IPO11: variants seen among roughly 807,000 people sequenced by gnomAD.
IPO11 encodes importin 11.
Under a neutral mutation model 143.2 loss-of-function variants are expected in IPO11, and 66 were observed. The observed-to-expected ratio is 0.46, with a 90% CI of 0.38 to 0.57. IPO11 has a LOEUF of 0.57. Among genes scored for constraint, IPO11 ranks in the 20% least tolerant of loss-of-function variants. The pLI, the probability that IPO11 is intolerant of heterozygous loss-of-function variation, is 0.00. For missense variants in IPO11, 1,026 were observed against 1,141.0 expected (o/e 0.90, Z 1.45); for synonymous variants, 385 against 377.8 (o/e 1.02, Z -0.22).
chr5:62,483,109 C>A lies in IPO11; in HGVS notation c.837C>A (p.Asp279Glu), dbSNP rs969813971. 3 of 1,580,166 alleles carry A rather than the reference C, an allele frequency of 1.9e-6. No homozygotes were observed. The highest frequency in any genetic ancestry group is 1.4e-5 in the African/African-American group (1 of 73,678). The change falls in exon 10 of 30, where the codon GAC becomes GAA. Residue 279 changes from aspartate to glutamate, a missense_variant. Coordinates refer to ENST00000325324, the MANE Select transcript of IPO11 (RefSeq NM_016338.5). ...TATTTATTTTTCTACAGCTTTTGGA[C>A]TTCTTGGATCAGCATCCTTTTTCAT... is the stretch of plus-strand genomic sequence containing the variant. ...TIILFTKVLL[D>E]FLDQHPFSFT...
At chr5:62,580,130 G>GT in intron 27 of IPO11, 1 of 1,549,848 alleles carries the variant, frequency 6.5e-7, no homozygotes, top group Non-Finnish European at 8.7e-7. Context: ...AAAAGTCTTA[G>GT]AAGACTTTCT....
chr5:62,569,603 A>G (rs958146301), intron 27 of IPO11, among the ~76,000 whole-genome samples: 1 of 152,198 alleles, frequency 6.6e-6, no homozygotes, highest in African/African-American at 2.4e-5. Context: ...GGGGCAGTGA[A>G]GTAACAAGGG....
intron 27 of IPO11, chr5:62,579,734 T>C (rs1240010154): frequency 1.3e-6 from 2 of 1,547,826 alleles, no homozygotes; most frequent in African/African-American, 1.4e-5. Context: ...ATTCTGTATG[T>C]ATATCCAAAA....
intron 2 of IPO11, 47 bp downstream of exon 2, chr5:62,437,464 C>T: frequency 6.6e-7 from 1 of 1,526,036 alleles, no homozygotes; most frequent in Non-Finnish European, 8.9e-7. Context: ...TAAAATGAGA[C>T]AACATTAATT....
intron 27 of IPO11, among the ~76,000 whole-genome samples, chr5:62,567,304 A>G (rs965388401): frequency 6.6e-6 from 1 of 151,762 alleles, no homozygotes; most frequent in South Asian, 2.1e-4. Flanking sequence ...GCCCCTTTAT[A>G]TGTTACTGGT....
At chr5:62,418,849 T>C (rs922748838) in intron 1 of IPO11, 3 of 717,462 alleles carry the variant, frequency 4.2e-6, no homozygotes, top group Admixed American at 3.1e-5. Context: ...TTTGTCTCCT[T>C]ATTCTTATAT....
At chr5:62,519,450 G>A (rs1016778975) in intron 20 of IPO11, among the ~76,000 whole-genome samples, 7 of 152,080 alleles carry the variant, frequency 4.6e-5, no homozygotes, top group African/African-American at 1.7e-4. Flanking sequence ...TTTAAGCATT[G>A]TAGGCATTAC....
At chr5:62,528,759 A>G (rs985856308) in intron 21 of IPO11, among the ~76,000 whole-genome samples, 2 of 152,164 alleles carry the variant, frequency 1.3e-5, no homozygotes, top group African/African-American at 4.8e-5. Flanking sequence ...AGGAGTGTGC[A>G]CAAGATATGA....
At chr5:62,527,554 T>A (rs1742408242) in intron 21 of IPO11, among the ~76,000 whole-genome samples, 1 of 152,196 alleles carries the variant, frequency 6.6e-6, no homozygotes, top group Non-Finnish European at 1.5e-5. Flanking sequence ...TACTATATGA[T>A]GTTGAATGTT....
chr5:62,435,112 A>ATATATATG (rs1561308805), intron 1 of IPO11, among the ~76,000 whole-genome samples: 1 of 78,488 alleles, frequency 1.3e-5, no homozygotes, highest in African/African-American at 5.2e-5. Context: ...ATATATATGT[A>ATATATATG]TATATGTATA....
intron 29 of IPO11, among the ~76,000 whole-genome samples, chr5:62,625,729 A>G (rs912747313): frequency 6.6e-6 from 1 of 152,254 alleles, no homozygotes; most frequent in African/African-American, 2.4e-5. Flanking sequence ...GCTTGGAGAC[A>G]TCAGCTTTTA....
chr5:62,489,304 C>T lies in IPO11; in HGVS notation c.1312C>T (p.Pro438Ser). The change falls in exon 14 of 30, where the codon CCC becomes TCC. Residue 438 changes from proline (P) to serine (S), a missense_variant and splice_region_variant. Transcript: ENST00000325324. ...CTATTTATATATATATTTTTTAGGACCCACAAATGTGGAAGATATGAATGC... is the reference window on the plus strand; with the variant it reads ...CTATTTATATATATATTTTTTAGGATCCACAAATGTGGAAGATATGAATGC... Reference protein sequence around the residue: ...LLEMMQTLQGPTNVEDMNALL... With the variant: ...LLEMMQTLQGSTNVEDMNALL... The T allele has an allele frequency of 6.5e-7, 1 of 1,537,336 alleles. No individual in the cohort carries two copies. Among genetic ancestry groups the T allele is most frequent in the Non-Finnish European group, 8.8e-7 (1 of 1,134,942 alleles).
intron 2 of IPO11, among the ~76,000 whole-genome samples, chr5:62,439,276 C>T (rs1744361244): frequency 1.4e-5 from 2 of 146,402 alleles, no homozygotes; most frequent in South Asian, 4.3e-4. Flanking sequence ...ATAATACTAA[C>T]TGCGTAGGTT....
At chr5:62,563,399 A>G (rs796169543) in intron 27 of IPO11, among the ~76,000 whole-genome samples, 11 of 152,352 alleles carry the variant, frequency 7.2e-5, no homozygotes, top group South Asian at 2.1e-4. Flanking sequence ...GGTTAAGTTT[A>G]GAAAGATACC....
intron 20 of IPO11, among the ~76,000 whole-genome samples, chr5:62,523,403 A>T (rs1469954223): frequency 6.6e-6 from 1 of 152,164 alleles, no homozygotes; most frequent in African/African-American, 2.4e-5. Context: ...GGCTAAGCGA[A>T]CATCTCTTGA....
chr5:62,444,344 G>A (rs1379573592), intron 3 of IPO11, among the ~76,000 whole-genome samples: 2 of 151,868 alleles, frequency 1.3e-5, no homozygotes, highest in African/African-American at 4.8e-5. Flanking sequence ...CGCCCGCCTT[G>A]GCCTCCCAAA....
chr5:62,589,544 A>G (rs1744934562), intron 27 of IPO11, among the ~76,000 whole-genome samples: 2 of 152,194 alleles, frequency 1.3e-5, no homozygotes, highest in African/African-American at 4.8e-5. Context: ...CCCATTAAAC[A>G]TCTGTCAAAC....
chr5:62,424,441 G>A (rs1227057157), intron 1 of IPO11, among the ~76,000 whole-genome samples: 1 of 150,192 alleles, frequency 6.7e-6, no homozygotes, highest in Non-Finnish European at 1.5e-5. Context: ...GCCTGGCTCA[G>A]CTTCTTTTTG....
At chr5:62,507,919 G>C (rs998062554) in intron 19 of IPO11, among the ~76,000 whole-genome samples, 3 of 152,130 alleles carry the variant, frequency 2.0e-5, no homozygotes, top group African/African-American at 7.2e-5. Context: ...ATAAGGTATA[G>C]TTATTCAATA....
Sources: gnomAD v4.1 joint callset for allele counts (sites outside exome capture counted in the v4.1 genomes callset) on GRCh38, gnomAD v4.1.1 for gene constraint, MANE v1.5 for transcripts, NCBI Gene and HGNC (gene_info 2026-07-23, HGNC 2026-07-21) for gene names.